The following ST8SIA4 variants were observed in gnomAD, a reference collection of about 807,000 sequenced individuals.
The protein encoded by ST8SIA4 is ST8 alpha-N-acetyl-neuraminide alpha-2,8-sialyltransferase 4, also known as CMP-N-acetylneuraminate-poly-alpha-2,8-sialyltransferase.
Under a neutral mutation model 33.9 loss-of-function variants are expected in ST8SIA4, and 15 were observed. The observed-to-expected ratio is 0.44, with a 90% CI of 0.30 to 0.68. ST8SIA4 has a LOEUF of 0.68. ST8SIA4 is among the 30% of genes least tolerant of loss of function. The pLI, the probability that ST8SIA4 is intolerant of heterozygous loss-of-function variation, is 0.10. For synonymous variants in ST8SIA4, 171 were observed against 151.2 expected, an observed-to-expected ratio of 1.13 and a Z score of -0.96; for missense variants, 321 against 428.0, an observed-to-expected ratio of 0.75 and a Z score of 2.21.
At chr5:100,879,531 GA>G (rs1188057623) in intron 3 of ST8SIA4, among the ~76,000 whole-genome samples, 2 of 151,716 alleles carry the variant, frequency 1.3e-5, no homozygotes, top group African/African-American at 2.4e-5. Flanking sequence ...CGATAGTTTA[GA>G]AAAAAAATCT....
At chr5:100,815,002 A>T (rs1561382356) in intron 4 of ST8SIA4, among the ~76,000 whole-genome samples, 1 of 152,008 alleles carries the variant, frequency 6.6e-6, no homozygotes, top group South Asian at 2.1e-4. Flanking sequence ...AAAAATATTA[A>T]ATTGAAAATA....
intron 4 of ST8SIA4, among the ~76,000 whole-genome samples, chr5:100,835,040 G>C (rs956320997): frequency 6.6e-6 from 1 of 152,016 alleles, no homozygotes; most frequent in Admixed American, 6.6e-5. Context: ...CAAGGAACTA[G>C]GGCTGAGATG....
At chr5:100,825,519 T>C (rs1460639027) in intron 4 of ST8SIA4, among the ~76,000 whole-genome samples, 1 of 152,182 alleles carries the variant, frequency 6.6e-6, no homozygotes, top group Non-Finnish European at 1.5e-5. Context: ...AATTAAGATT[T>C]ATTCCAGACC....
intron 4 of ST8SIA4, among the ~76,000 whole-genome samples, chr5:100,835,141 A>T (rs941887232): frequency 6.6e-6 from 1 of 152,102 alleles, no homozygotes; most frequent in East Asian, 1.9e-4. Flanking sequence ...TGTACACAAA[A>T]TTTTCAATCA....
intron 4 of ST8SIA4, among the ~76,000 whole-genome samples, chr5:100,853,218 T>C (rs1211866539): frequency 1.3e-5 from 2 of 152,212 alleles, no homozygotes; most frequent in Admixed American, 6.5e-5. Flanking sequence ...CTTATTTTCA[T>C]TTACAGTTCC....
chr5:100,847,320 T>C (rs1048276965), intron 4 of ST8SIA4, among the ~76,000 whole-genome samples: 12 of 151,986 alleles, frequency 7.9e-5, no homozygotes, highest in African/African-American at 2.9e-4. Context: ...TCCAAAACAA[T>C]CCATTAGAGT....
chr5:100,900,233 C>A (rs1752872002), intron 1 of ST8SIA4: 9 of 351,848 alleles, frequency 2.6e-5, no homozygotes, highest in Non-Finnish European at 4.5e-5. Flanking sequence ...GATTCAAGGA[C>A]TATGGAAGGC....
At chr5:100,837,364 G>T (rs1002429965) in intron 4 of ST8SIA4, among the ~76,000 whole-genome samples, 4 of 151,946 alleles carry the variant, frequency 2.6e-5, no homozygotes, top group African/African-American at 9.7e-5. Context: ...CAGTGCAATT[G>T]CATTGGCCAA....
intron 3 of ST8SIA4, among the ~76,000 whole-genome samples, chr5:100,874,233 T>G (rs1752257948): frequency 6.6e-6 from 1 of 152,168 alleles, no homozygotes; most frequent in Non-Finnish European, 1.5e-5. Flanking sequence ...TAAGCATACA[T>G]GGTGGGGGTA....
chr5:100,849,457 C>T (rs892921905), intron 4 of ST8SIA4: 11 of 985,086 alleles, frequency 1.1e-5, no homozygotes, highest in Admixed American at 6.2e-5. Flanking sequence ...TTTCGCAGAA[C>T]CTGCAAAATA....
At chr5:100,895,000 A>G (rs1202653022) in intron 2 of ST8SIA4, among the ~76,000 whole-genome samples, 1 of 152,068 alleles carries the variant, frequency 6.6e-6, no homozygotes, top group African/African-American at 2.4e-5. Context: ...TGTTTCCTCC[A>G]TAATTAAGAA....
chr5:100,891,207 AC>A (rs1331099162), intron 2 of ST8SIA4, among the ~76,000 whole-genome samples: 2 of 152,002 alleles, frequency 1.3e-5, no homozygotes, highest in African/African-American at 4.8e-5. Context: ...GGAATGTATC[AC>A]AAGTTGAGAA....
intron 4 of ST8SIA4, chr5:100,816,603 C>A: frequency 2.0e-6 from 1 of 502,090 alleles, no homozygotes; most frequent in Non-Finnish European, 4.0e-6. Flanking sequence ...ATTCTTCTTC[C>A]AAAAATCAAA....
At chr5:100,886,649 A>G in intron 2 of ST8SIA4, 49 bp from the exon 3 acceptor site, 1 of 1,427,296 alleles carries the variant, frequency 7.0e-7, no homozygotes, top group Non-Finnish European at 9.8e-7. Flanking sequence ...AGCATATCCA[A>G]GAACTGATGG....
intron 4 of ST8SIA4, among the ~76,000 whole-genome samples, chr5:100,818,925 T>G (rs1227399228): frequency 1.3e-5 from 2 of 152,182 alleles, no homozygotes; most frequent in Non-Finnish European, 2.9e-5. Flanking sequence ...CCTCTTCTTT[T>G]TATCTGTCTA....
intron 4 of ST8SIA4, among the ~76,000 whole-genome samples, chr5:100,834,001 G>A (rs1021453422): frequency 6.6e-6 from 1 of 152,102 alleles, no homozygotes; most frequent in Admixed American, 6.6e-5. Flanking sequence ...ATAAATATTT[G>A]TTGAATAAGT....
At chr5:100,815,168 ATTTT>A (rs1400503370) in intron 4 of ST8SIA4, among the ~76,000 whole-genome samples, 1 of 151,874 alleles carries the variant, frequency 6.6e-6, no homozygotes. Flanking sequence ...ATGTAAATTG[ATTTT>A]TTTGAGTTAC....
intron 1 of ST8SIA4, among the ~76,000 whole-genome samples, chr5:100,897,983 T>C (rs919509526): frequency 2.0e-5 from 3 of 152,204 alleles, no homozygotes; most frequent in Admixed American, 1.3e-4. Flanking sequence ...CTTTGGGAGA[T>C]ATGACTACAT....
At chr5:100,842,161 A>G (rs148667079) in intron 4 of ST8SIA4, among the ~76,000 whole-genome samples, 168 of 152,006 alleles carry the variant, frequency 1.1e-3, no homozygotes, top group African/African-American at 3.5e-3. Context: ...TCTGATAGGA[A>G]TTTGCAATTT....
Sources: allele counts gnomAD v4.1 joint callset (sites outside exome capture counted in the v4.1 genomes callset), GRCh38; gene constraint gnomAD v4.1.1; transcripts MANE v1.5; gene names NCBI Gene and HGNC (gene_info 2026-07-23, HGNC 2026-07-21).